Variants in FMO3 observed in about 807,000 individuals in gnomAD.
FMO3 encodes the protein flavin-containing monooxygenase 3.
In FMO3, 40 loss-of-function variants were observed where a neutral mutation model predicts 39.4. That is an observed-to-expected ratio of 1.02 (90% confidence interval 0.79 to 1.32). The LOEUF (loss-of-function observed/expected upper bound fraction) is 1.32. Ranked by LOEUF, FMO3 falls within the 40% of genes most tolerant of loss-of-function variation. The pLI is 0.00. For missense variants in FMO3, 680 were observed against 651.8 expected (o/e 1.04, Z -0.47); for synonymous variants, 219 against 228.8 (o/e 0.96, Z 0.39).
chr1:171,096,071 T>TAATATATATTATATATAAAGATA (rs1491505210), intron 2 of FMO3, among the ~76,000 whole-genome samples: 1 of 53,670 alleles, frequency 1.9e-5, no homozygotes, highest in African/African-American at 1.0e-4. Flanking sequence ...ATATTATATA[T>TAATATATATTATATATAAAGATA]TAATATATAA....
At chr1:171,104,628 C>A (rs1392020676) in intron 3 of FMO3, among the ~76,000 whole-genome samples, 1 of 152,118 alleles carries the variant, frequency 6.6e-6, no homozygotes, top group East Asian at 1.9e-4. Flanking sequence ...AGTCCCAACA[C>A]TTTGGGAGGA....
At chr1:171,093,124 C>CT (rs11317520) in intron 2 of FMO3, among the ~76,000 whole-genome samples, 4,320 of 148,534 alleles carry the variant, frequency 0.029, 95 homozygotes, top group African/African-American at 0.062. Flanking sequence ...CTTTTCACAT[C>CT]TTTTTTTTTT....
At position 171,092,664 on chromosome 1, in the gene FMO3, G is replaced by A; in HGVS notation, c.6G>A (p.Gly2=). 6.2e-7 allele frequency: 1 copy of A among 1,614,166 alleles called. No individual in the cohort carries two copies. The highest frequency in any genetic ancestry group is 8.5e-7 in the Non-Finnish European group (1 of 1,180,008). The part of the protein sequence containing the change: M[G]KKVAIIGAGV... ...GGGCCTTTGCACAGGTTACCATGGG[G>A]AAGAAAGTGGCCATCATTGGAGCTG... Residue 2 remains glycine, a synonymous_variant, in exon 2 of 9, where the codon GGG becomes GGA. Transcript: ENST00000367755.
chr1:171,101,468 T>C (rs1655389432), intron 2 of FMO3, among the ~76,000 whole-genome samples: 1 of 152,236 alleles, frequency 6.6e-6, no homozygotes, highest in Non-Finnish European at 1.5e-5. Flanking sequence ...ATTCACATTA[T>C]AAGATTGTTA....
chr1:171,104,034 T>C (rs1295869593), intron 3 of FMO3, 61 bp downstream of exon 3: 15 of 1,213,654 alleles, frequency 1.2e-5, no homozygotes, highest in Non-Finnish European at 1.7e-5. Context: ...TGTCTACTAC[T>C]GGATTCTCAT....
intron 6 of FMO3, among the ~76,000 whole-genome samples, chr1:171,111,887 C>A (rs1655930405): frequency 6.6e-6 from 1 of 152,134 alleles, no homozygotes; most frequent in Admixed American, 6.6e-5. Flanking sequence ...CAAACAATAG[C>A]ATAAGATCAT....
chr1:171,105,994 A>T (rs995859702), intron 3 of FMO3, among the ~76,000 whole-genome samples: 2 of 150,108 alleles, frequency 1.3e-5, no homozygotes, highest in Non-Finnish European at 3.0e-5. Context: ...TAAGTATAAA[A>T]TATACAAAAA....
Position 171,103,790 on chromosome 1 carries a change from T to G in FMO3, c.138T>G (p.His46Gln), listed in dbSNP as rs776440505. ...DIGGLWKFSD[H>Q]AEEGRASIYK... Reference sequence around the variant, plus strand: ...TTGATACTATACATTCACAGGACCATGCAGAGGAGGGCAGGGCTAGCATTT... The same window carrying G: ...TTGATACTATACATTCACAGGACCAGGCAGAGGAGGGCAGGGCTAGCATTT... Residue 46 changes from histidine to glutamine, a missense_variant, in exon 3 of 9, where the codon CAT becomes CAG. Coordinates refer to ENST00000367755, the MANE Select transcript of FMO3 (RefSeq NM_001002294.3). The G allele has an allele frequency of 1.2e-6, 2 of 1,612,802 alleles. No homozygotes were observed. Among genetic ancestry groups the G allele is most frequent in the South Asian group, 2.2e-5 (2 of 91,074 alleles).
rs780479699 is a variant in FMO3, at chr1:171,109,526, C to CTTTTTTTTTTTTTTTT, written c.628-1262_628-1247dup. Among the ~76,000 whole-genome samples, 10 of 58,994 alleles carry CTTTTTTTTTTTTTTTT rather than the reference C, an allele frequency of 1.7e-4. 2 individuals are homozygous for CTTTTTTTTTTTTTTTT. The highest frequency in any genetic ancestry group is 2.3e-4 in the Non-Finnish European group (8 of 34,330). The allele number at this position is 58,994 out of a possible 152,430, so 38.7% of individuals were successfully genotyped here. ...TAATTAATTGATCCTTTAGTCTCTT[C>CTTTTTTTTTTTTTTTT]TTTTTTTTTTTTTTTTTTTTTTTTT... On this transcript the variant is annotated intron_variant, in intron 5 of 8. Transcript: ENST00000367755.
chr1:171,101,053 C>T (rs1462549856), intron 2 of FMO3: 3 of 454,282 alleles, frequency 6.6e-6, no homozygotes, highest in Admixed American at 2.4e-5. Flanking sequence ...TTTGAAGATG[C>T]TATGCTCTAT....
At chr1:171,102,483 A>G (rs1340381760) in intron 2 of FMO3, among the ~76,000 whole-genome samples, 4 of 152,168 alleles carry the variant, frequency 2.6e-5, no homozygotes, top group Non-Finnish European at 5.9e-5. Context: ...TGCTTTGCAG[A>G]GCTCACAGCT....
intron 2 of FMO3, among the ~76,000 whole-genome samples, chr1:171,096,275 T>G (rs1357747927): frequency 1.7e-5 from 1 of 60,420 alleles, no homozygotes; most frequent in Non-Finnish European, 2.6e-5. Context: ...TATATAAATA[T>G]TATATATATT....
intron 4 of FMO3, 60 bp from the exon 5 acceptor site, chr1:171,108,019 T>C: frequency 6.3e-7 from 1 of 1,586,684 alleles, no homozygotes; most frequent in Non-Finnish European, 8.7e-7. Flanking sequence ...GTCGCTTCTG[T>C]TAAAGTCTTT....
At chr1:171,101,188 G>A in intron 2 of FMO3, 1 of 456,238 alleles carries the variant, frequency 2.2e-6, no homozygotes, top group Non-Finnish European at 4.4e-6. Context: ...CTCTCCTGGA[G>A]CCTCTGAAAA....
intron 2 of FMO3, among the ~76,000 whole-genome samples, chr1:171,103,222 A>C (rs999451649): frequency 3.9e-5 from 6 of 152,206 alleles, no homozygotes; most frequent in African/African-American, 1.4e-4. Flanking sequence ...ACATAATGAA[A>C]TTTAAAATTT....
chr1:171,092,236 T>A (rs1443231078), intron 1 of FMO3, among the ~76,000 whole-genome samples: 1 of 152,108 alleles, frequency 6.6e-6, no homozygotes. Context: ...ATTTGTTTTC[T>A]AGAGACAAGG....
At chr1:171,101,751 C>T (rs747377208) in intron 2 of FMO3, 9 of 517,370 alleles carry the variant, frequency 1.7e-5, no homozygotes, top group South Asian at 8.8e-5. Flanking sequence ...CCCAGATCTG[C>T]GGCCTAATCA....
In FMO3 at chr1:171,117,185, C is replaced by A. The variant is rs1571229957; in HGVS notation, c.1342C>A (p.Pro448Thr). 6.2e-7 allele frequency: 1 copy of A among 1,614,160 alleles called. No individual in the cohort carries two copies. The highest frequency in any genetic ancestry group is 2.2e-5 in the East Asian group (1 of 44,884). The change falls in exon 9 of 9, where the codon CCA becomes ACA. Residue 448 changes from proline (P) to threonine (T), a missense_variant. Coordinates refer to ENST00000367755, the MANE Select transcript of FMO3 (RefSeq NM_001002294.3). ...CTTCATTGGGGCAAAGCCCAACATC[C>A]CATGGCTGTTTCTCACAGATCCCAA... The part of the protein sequence containing the change: ...SSFIGAKPNI[P>T]WLFLTDPKLA...
chr1:171,107,601 CT>C lies in FMO3; in HGVS notation c.322-68del, dbSNP rs1655700939. The C allele has an allele frequency of 1.4e-4, 177 of 1,260,822 alleles. 1 individual carries two copies. In the South Asian group the frequency reaches 2.1e-3, roughly 15 times the overall value. 78.1% of individuals were successfully genotyped at this position (1,260,822 alleles called of 1,614,324 possible). On this transcript the variant is annotated intron_variant, in intron 3 of 8. Coordinates refer to ENST00000367755, the MANE Select transcript of FMO3 (RefSeq NM_001002294.3). Reference sequence around the variant, plus strand: ...TAAATATTTTTCTTAACCCACTTTTCTTTTTTCATACTGTATCTGCCAAAAC... The same window carrying C: ...TAAATATTTTTCTTAACCCACTTTTCTTTTTCATACTGTATCTGCCAAAAC...
Sources: allele counts gnomAD v4.1 joint callset (sites outside exome capture counted in the v4.1 genomes callset), GRCh38; gene constraint gnomAD v4.1.1; transcripts MANE v1.5; gene names NCBI Gene and HGNC (gene_info 2026-07-23, HGNC 2026-07-21).